LRP1B: variants seen among roughly 807,000 people sequenced by gnomAD.
LRP1B encodes low-density lipoprotein receptor-related protein 1B.
In LRP1B, 217 loss-of-function variants were observed where a neutral mutation model predicts 556.6. The observed-to-expected ratio is 0.39, with a 90% confidence interval of 0.35 to 0.44. The LOEUF (loss-of-function observed/expected upper bound fraction) is 0.44, where lower values mean the gene tolerates loss of function less well. Ranked by LOEUF, LRP1B falls within the 20% of genes least tolerant of loss-of-function variation. LRP1B has a pLI of 1.00. For synonymous variants in LRP1B, 2,047 were observed against 1,865.8 expected, an observed-to-expected ratio of 1.10 and a Z score of -2.50; for missense variants, 5,053 against 5,620.8, an observed-to-expected ratio of 0.90 and a Z score of 3.23.
At chr2:141,539,881 A>G (rs541477440) in intron 2 of LRP1B, among the ~76,000 whole-genome samples, 4 of 152,254 alleles carry the variant, frequency 2.6e-5, no homozygotes, top group Admixed American at 6.5e-5. Context: ...AGAGCATGGG[A>G]CCTACAAAAG....
At chr2:141,722,567 C>G (rs189369406) in intron 2 of LRP1B, among the ~76,000 whole-genome samples, 1 of 152,214 alleles carries the variant, frequency 6.6e-6, no homozygotes, top group Non-Finnish European at 1.5e-5. Flanking sequence ...TTTGCTGTAA[C>G]TGATAAAACT....
chr2:140,284,725 AGT>A (rs1491523192), intron 84 of LRP1B, among the ~76,000 whole-genome samples: 1 of 12,204 alleles, frequency 8.2e-5, no homozygotes, highest in African/African-American at 9.0e-5. Context: ...CTTTGCTTCT[AGT>A]TTTTTTTTTC....
intron 1 of LRP1B, among the ~76,000 whole-genome samples, chr2:141,914,769 C>T (rs531932989): frequency 6.6e-6 from 1 of 151,982 alleles, no homozygotes; most frequent in Non-Finnish European, 1.5e-5. Context: ...TCCCACCGCA[C>T]ACACCTAGGA....
chr2:141,356,063 A>G (rs1688617364), intron 3 of LRP1B, among the ~76,000 whole-genome samples: 2 of 152,188 alleles, frequency 1.3e-5, no homozygotes, highest in Non-Finnish European at 2.9e-5. Flanking sequence ...ATATAACCTG[A>G]GTATTGCTCA....
chr2:140,851,927 A>G, intron 27 of LRP1B, 144 bp from the exon 28 acceptor site: 2 of 572,286 alleles, frequency 3.5e-6, no homozygotes, highest in Non-Finnish European at 6.0e-6. Context: ...ATATGACAAT[A>G]ATAGACAATC....
chr2:141,103,522 TTC>T lies in LRP1B; in HGVS notation c.1014-41251_1014-41250del, dbSNP rs61008140. Among the ~76,000 whole-genome samples the T allele has an allele frequency of 1.3e-4, 20 of 149,142 alleles. 1 individual carries two copies. Among genetic ancestry groups the T allele is most frequent in the African/African-American group, 4.7e-4 (19 of 40,598 alleles). ...CAGAAGCTGGGCCATAGCACACACA[TTC>T]TCTCTCTCTCTTAAAAAGTTCAGCT... On this transcript the variant is annotated intron_variant, in intron 7 of 90. Transcript: ENST00000389484.
rs142082751 is a variant in LRP1B, at chr2:141,441,693, T to A, written c.343+38703A>T. Among the ~76,000 whole-genome samples the A allele has an allele frequency of 5.0e-3, 762 of 152,280 alleles. 8 individuals carry two copies. Among genetic ancestry groups the A allele is most frequent in the African/African-American group, 0.016 (667 of 41,576 alleles). ...TACAGGAGCTGATGCATAGAATAAT[T>A]ACCCAGGAACACTTCAAGAGAATCA... On this transcript the variant is annotated intron_variant, in intron 3 of 90. Coordinates refer to ENST00000389484, the MANE Select transcript of LRP1B (RefSeq NM_018557.3).
intron 41 of LRP1B, among the ~76,000 whole-genome samples, chr2:140,636,428 A>G (rs956520845): frequency 6.6e-6 from 1 of 152,182 alleles, no homozygotes. Flanking sequence ...TGGAAACAAA[A>G]GTATGATTAC....
intron 86 of LRP1B, among the ~76,000 whole-genome samples, chr2:140,265,125 AAAT>A: frequency 6.6e-6 from 1 of 152,172 alleles, no homozygotes; most frequent in Non-Finnish European, 1.5e-5. Flanking sequence ...AATTCAATGT[AAAT>A]AATAGTCTAA....
intron 21 of LRP1B, among the ~76,000 whole-genome samples, chr2:140,911,702 A>G (rs1694424495): frequency 6.6e-6 from 1 of 151,824 alleles, no homozygotes. Context: ...ATTAAATTGT[A>G]TGAAGTCATT....
intron 66 of LRP1B, among the ~76,000 whole-genome samples, chr2:140,388,157 G>A (rs1213806460): frequency 1.3e-5 from 2 of 152,028 alleles, no homozygotes; most frequent in African/African-American, 4.8e-5. Flanking sequence ...GGCTGGTCGT[G>A]AACTCCTGAC....
chr2:140,957,658 G>A (rs1419394877), intron 18 of LRP1B, among the ~76,000 whole-genome samples: 1 of 151,544 alleles, frequency 6.6e-6, no homozygotes, highest in African/African-American at 2.4e-5. Context: ...AACTAGAATT[G>A]TGAGTGAATG....
chr2:141,871,306 A>G (rs1356084121), intron 1 of LRP1B, among the ~76,000 whole-genome samples: 1 of 151,916 alleles, frequency 6.6e-6, no homozygotes, highest in Non-Finnish European at 1.5e-5. Flanking sequence ...GCTTTTTAAA[A>G]ACTCTTCCTT....
chr2:140,710,834 A>G (rs1269285318), intron 37 of LRP1B, among the ~76,000 whole-genome samples: 1 of 152,110 alleles, frequency 6.6e-6, no homozygotes, highest in Admixed American at 6.6e-5. Flanking sequence ...CTCCTGTGTA[A>G]CAACAGAAGC....
chr2:141,926,023 T>C (rs557342479), intron 1 of LRP1B, among the ~76,000 whole-genome samples: 7 of 152,330 alleles, frequency 4.6e-5, no homozygotes, highest in African/African-American at 1.7e-4. Flanking sequence ...AAGTAGAAAT[T>C]ATCACCATCA....
At chr2:141,055,341 A>G (rs1284898162) in intron 9 of LRP1B, 82 bp from the exon 10 acceptor site, 34 of 1,471,754 alleles carry the variant, frequency 2.3e-5, no homozygotes, top group Non-Finnish European at 3.0e-5. Flanking sequence ...CAAAATTTCT[A>G]TAGTGTAAAA....
At chr2:140,620,208 C>T (rs1264297796) in intron 41 of LRP1B, among the ~76,000 whole-genome samples, 1 of 152,270 alleles carries the variant, frequency 6.6e-6, no homozygotes, top group East Asian at 1.9e-4. Context: ...AATAACAGTG[C>T]AAGGCCATTG....
At chr2:141,668,649 A>G (rs1214235931) in intron 2 of LRP1B, among the ~76,000 whole-genome samples, 1 of 152,108 alleles carries the variant, frequency 6.6e-6, no homozygotes, top group Non-Finnish European at 1.5e-5. Flanking sequence ...AGCCTTCTCC[A>G]CCACTCACAA....
intron 2 of LRP1B, among the ~76,000 whole-genome samples, chr2:141,676,667 A>G (rs1173848522): frequency 6.6e-6 from 1 of 152,104 alleles, no homozygotes; most frequent in Non-Finnish European, 1.5e-5. Flanking sequence ...ATGATCTTGG[A>G]CTTGATCTAG....
Sources: gnomAD v4.1 joint callset for allele counts (sites outside exome capture counted in the v4.1 genomes callset) on GRCh38, gnomAD v4.1.1 for gene constraint, MANE v1.5 for transcripts, NCBI Gene and HGNC (gene_info 2026-07-23, HGNC 2026-07-21) for gene names.